Variants in SGCG observed in about 807,000 individuals in gnomAD.
SGCG encodes sarcoglycan gamma, also known as gamma-sarcoglycan.
Under a neutral mutation model 29.3 loss-of-function variants are expected in SGCG, and 26 were observed. That is an observed-to-expected ratio of 0.89 (90% CI 0.65 to 1.23). The LOEUF (loss-of-function observed/expected upper bound fraction) is 1.23, where lower values mean the gene tolerates loss of function less well. Among genes scored for constraint, SGCG ranks in the 50% most tolerant of loss-of-function variants. SGCG has a pLI of 0.00. For missense variants in SGCG, 353 were observed against 356.0 expected (o/e 0.99, Z 0.07); for synonymous variants, 145 against 129.7 (o/e 1.12, Z -0.80).
chr13:23,168,964 C>A, the SGCG span, among the ~76,000 whole-genome samples: 1 of 151,926 alleles, frequency 6.6e-6, no homozygotes, highest in Non-Finnish European at 1.5e-5. Context: ...TAATGGTATT[C>A]TTATAATCAT....
chr13:23,311,857 C>G (rs1377531415), intron 6 of SGCG, among the ~76,000 whole-genome samples: 1 of 152,086 alleles, frequency 6.6e-6, no homozygotes, highest in African/African-American at 2.4e-5. Context: ...GACCTCCAAA[C>G]CCCCCACCGT....
chr13:23,260,282 C>T lies in SGCG; in HGVS notation c.385+9565C>T, dbSNP rs544554093. 6.6e-5 allele frequency among the ~76,000 whole-genome samples: 10 copies of T among 152,190 alleles called. No individual in the cohort carries two copies. The East Asian group carries it at 1.9e-3, about 29-fold the overall frequency. ...GTCAGCTCTTCTTGTTGAATTTATC[C>T]CTTTACCATTATGTAATGGCCTTCT... On this transcript the variant is annotated intron_variant, in intron 4 of 7. Coordinates refer to ENST00000218867, the MANE Select transcript of SGCG (RefSeq NM_000231.3).
At chr13:23,176,732 G>A (rs903171782), upstream of SGCG, among the ~76,000 whole-genome samples, 1 of 152,050 alleles carries the variant, frequency 6.6e-6, no homozygotes, top group Non-Finnish European at 1.5e-5. Flanking sequence ...TACATGGAAG[G>A]TTATTGTCGA....
chr13:23,258,753 A>G (rs1169751187), intron 4 of SGCG, among the ~76,000 whole-genome samples: 1 of 152,226 alleles, frequency 6.6e-6, no homozygotes, highest in Non-Finnish European at 1.5e-5. Flanking sequence ...AGTTTTTAGC[A>G]TGAAGGCTGT....
rs1448463952 is a variant in SGCG at position 23,199,954 on chromosome 13, A to C, written c.1-3741A>C. Among the ~76,000 whole-genome samples, 10 of 152,312 alleles carry C rather than the reference A, an allele frequency of 6.6e-5. No individual in the cohort carries two copies. In the East Asian group the frequency reaches 1.7e-3, roughly 26 times the overall value. ...TCCCCAGGCTCCCCATTTTTGGGCA[A>C]GCCTCACCAGACTGAAGGAGATCTT... On this transcript the variant is annotated intron_variant, in intron 1 of 7. Coordinates refer to ENST00000218867, the MANE Select transcript of SGCG (RefSeq NM_000231.3).
At position 23,195,278 on chromosome 13, in the gene SGCG, A is replaced by G. The variant is rs186414274; in HGVS notation, c.1-8417A>G. ...AAAAGCTTTAGATTTCTGATTTCTG[A>G]GAGCATCTAATAAAAACCAGGACAG... On this transcript the variant is annotated intron_variant, in intron 1 of 7. Coordinates refer to ENST00000218867, the MANE Select transcript of SGCG (RefSeq NM_000231.3). 2.7e-3 allele frequency among the ~76,000 whole-genome samples: 408 copies of G among 152,300 alleles called. 3 individuals are homozygous for G. The highest frequency in any genetic ancestry group is 8.3e-3 in the African/African-American group (344 of 41,558).
At chr13:23,192,041 G>A (rs2137481444) in intron 1 of SGCG, among the ~76,000 whole-genome samples, 1 of 151,972 alleles carries the variant, frequency 6.6e-6, no homozygotes, top group East Asian at 2.0e-4. Context: ...CGGGCGTGGT[G>A]GCGGGCTCCT....
At chr13:23,209,023 T>C (rs1878091108) in intron 2 of SGCG, among the ~76,000 whole-genome samples, 2 of 152,246 alleles carry the variant, frequency 1.3e-5, no homozygotes, top group African/African-American at 2.4e-5. Flanking sequence ...TGAATGTAAC[T>C]TTAGGTTATC....
At chr13:23,227,951 C>G (rs1026540200) in intron 2 of SGCG, among the ~76,000 whole-genome samples, 1 of 152,166 alleles carries the variant, frequency 6.6e-6, no homozygotes, top group Non-Finnish European at 1.5e-5. Flanking sequence ...CCTGAGACTA[C>G]AGGCACCCAC....
chr13:23,263,680 C>G (rs1173531927), intron 4 of SGCG, among the ~76,000 whole-genome samples: 1 of 152,012 alleles, frequency 6.6e-6, no homozygotes, highest in Non-Finnish European at 1.5e-5. Flanking sequence ...ATGCAAAAAT[C>G]CTCAACAAAA....
the SGCG span, among the ~76,000 whole-genome samples, chr13:23,166,066 C>G: frequency 2.0e-5 from 3 of 152,224 alleles, no homozygotes; most frequent in South Asian, 4.2e-4. Flanking sequence ...CTAGGACTTC[C>G]AGCACAATGT....
At chr13:23,294,221 C>T (rs991730735) in intron 5 of SGCG, among the ~76,000 whole-genome samples, 1 of 152,050 alleles carries the variant, frequency 6.6e-6, no homozygotes, top group African/African-American at 2.4e-5. Flanking sequence ...CAGGGCAGGG[C>T]CTAAGATAGG....
chr13:23,168,984 A>G, the SGCG span, among the ~76,000 whole-genome samples: 1 of 151,952 alleles, frequency 6.6e-6, no homozygotes, highest in Admixed American at 6.6e-5. Flanking sequence ...TCATTCTTAG[A>G]TTTGTTGAGA....
chr13:23,185,313 T>C (rs929361195), intron 1 of SGCG, among the ~76,000 whole-genome samples: 4 of 152,166 alleles, frequency 2.6e-5, no homozygotes, highest in Admixed American at 1.3e-4. Context: ...TGCCTCAGTC[T>C]CCAGAGTAGC....
chr13:23,318,688 A>C (rs1040310321), intron 6 of SGCG, among the ~76,000 whole-genome samples: 1 of 152,170 alleles, frequency 6.6e-6, no homozygotes, highest in African/African-American at 2.4e-5. Context: ...ATCTTATCTC[A>C]GCCTTTTGGT....
intron 2 of SGCG, among the ~76,000 whole-genome samples, chr13:23,205,087 AT>A (rs939377306): frequency 2.9e-4 from 44 of 152,074 alleles, no homozygotes; most frequent in African/African-American, 1.1e-3. Flanking sequence ...AATTACATAT[AT>A]TATAAATACA....
In SGCG at chr13:23,195,877, A is replaced by G. The variant is rs1186679864; in HGVS notation, c.1-7818A>G. 2.6e-5 allele frequency among the ~76,000 whole-genome samples: 4 copies of G among 152,118 alleles called. No individual in the cohort carries two copies. The East Asian group carries it at 7.7e-4, about 29-fold the overall frequency. On this transcript the variant is annotated intron_variant, in intron 1 of 7. Transcript: ENST00000218867. ...ATACAGTAATGAAGTTGGGATGAGTATGGTAAATTTATTAAATTTACTGTT... is the reference window on the plus strand; with the variant it reads ...ATACAGTAATGAAGTTGGGATGAGTGTGGTAAATTTATTAAATTTACTGTT...
chr13:23,263,485 G>A (rs1324976183), intron 4 of SGCG, among the ~76,000 whole-genome samples: 1 of 151,848 alleles, frequency 6.6e-6, no homozygotes, highest in African/African-American at 2.4e-5. Context: ...ATCAGTAATA[G>A]AAGAAACTGC....
intron 5 of SGCG, among the ~76,000 whole-genome samples, chr13:23,291,023 A>T (rs116879582): frequency 0.021 from 3,273 of 152,252 alleles, 48 homozygotes; most frequent in Non-Finnish European, 0.034. Context: ...ACAGATCTTC[A>T]TGTGAGCATC....
Sources: allele counts gnomAD v4.1 joint callset (sites outside exome capture counted in the v4.1 genomes callset), GRCh38; gene constraint gnomAD v4.1.1; transcripts MANE v1.5; gene names NCBI Gene and HGNC (gene_info 2026-07-23, HGNC 2026-07-21).